ZFP69: variants seen among roughly 807,000 people sequenced by gnomAD.
ZFP69 encodes the protein zinc finger protein 69 homolog.
Under a neutral mutation model 48.9 loss-of-function variants are expected in ZFP69, and 35 were observed. That is an observed-to-expected ratio of 0.72 (90% CI 0.55 to 0.95). The LOEUF (loss-of-function observed/expected upper bound fraction) is 0.95, where lower values mean the gene tolerates loss of function less well. Among genes scored for constraint, ZFP69 ranks in the 40% least tolerant of loss-of-function variants. The pLI, the probability that ZFP69 is intolerant of heterozygous loss-of-function variation, is 0.00. For missense variants in ZFP69, 557 were observed against 638.4 expected (o/e 0.87, Z 1.37); for synonymous variants, 193 against 216.8 (o/e 0.89, Z 0.96).
rs138489291 is a variant in ZFP69, at chr1:40,482,257, A to C, written c.219+403A>C. Among the ~76,000 whole-genome samples, 213 of 152,240 alleles carry C rather than the reference A, an allele frequency of 1.4e-3. 1 individual carries two copies. Among genetic ancestry groups the C allele is most frequent in the African/African-American group, 5.0e-3 (209 of 41,540 alleles). On this transcript the variant is annotated intron_variant, in intron 3 of 5. Coordinates refer to ENST00000372706, the MANE Select transcript of ZFP69 (RefSeq NM_001320179.2). ...TTAGTGATGTACATGAATTACTGTG[A>C]ACTTTGAGAGGTGACCCTTAGTGTA...
At chr1:40,486,893 T>C (rs1481836191) in intron 3 of ZFP69, among the ~76,000 whole-genome samples, 1 of 152,072 alleles carries the variant, frequency 6.6e-6, no homozygotes, top group East Asian at 1.9e-4. Flanking sequence ...AGATATTGTC[T>C]TTTTCACTTG....
chr1:40,479,550 C>A, intron 2 of ZFP69, 62 bp downstream of exon 2: 2 of 1,515,188 alleles, frequency 1.3e-6, no homozygotes, highest in East Asian at 2.4e-5. Flanking sequence ...AAGATAGGTA[C>A]ACACTTCATT....
In ZFP69 at chr1:40,489,137, G is replaced by A. The variant is rs758202634; in HGVS notation, c.269G>A (p.Trp90Ter). 6.2e-7 allele frequency: 1 copy of A among 1,613,992 alleles called. No homozygotes were observed. The highest frequency in any genetic ancestry group is 8.5e-7 in the Non-Finnish European group (1 of 1,179,988). ...DISIDFTQEE[W>*]GQLAPAHQNL... ...TCTATTGACTTCACCCAGGAAGAGT[G>A]GGGGCAGCTGGCTCCTGCTCACCAG... Residue 90 changes from tryptophan (W) to a stop codon, truncating the protein, a stop_gained, in exon 4 of 6, where the codon TGG becomes TAG. Transcript: ENST00000372706. LOFTEE classifies it high-confidence loss of function.
rs5773698 is a variant in ZFP69 at position 40,478,122 on chromosome 1, TCACACACACACA to T, written c.-327+244_-327+255del. Among the ~76,000 whole-genome samples the T allele has an allele frequency of 1.4e-3, 212 of 147,250 alleles. 1 individual carries two copies. The highest frequency in any genetic ancestry group is 1.5e-3 in the South Asian group (7 of 4,602). ...ACGCAGCTCCTGTCTCTGCATATAG[TCACACACACACA>T]CACACACACACACACGCCTATAAGT... On this transcript the variant is annotated intron_variant, in intron 1 of 5. Transcript: ENST00000372706.
At chr1:40,490,565 C>G (rs1421447946) in intron 5 of ZFP69, among the ~76,000 whole-genome samples, 1 of 152,162 alleles carries the variant, frequency 6.6e-6, no homozygotes, top group African/African-American at 2.4e-5. Flanking sequence ...TTCCCTTTCT[C>G]CAGTATCCTA....
chr1:40,481,858 A>G lies in ZFP69; in HGVS notation c.219+4A>G. On this transcript the variant is annotated splice_donor_region_variant and intron_variant, in intron 3 of 5. Transcript: ENST00000372706. ...ACTCCCGACAGCAGAATCCCAGGTG[A>G]GTAGGGATTCATCTCATTTTCTTGA... is the stretch of plus-strand genomic sequence containing the variant. The G allele has an allele frequency of 6.2e-7, 1 of 1,606,810 alleles. No individual in the cohort carries two copies. The highest frequency in any genetic ancestry group is 8.5e-7 in the Non-Finnish European group (1 of 1,174,746).
chr1:40,481,104 G>A (rs563844119), intron 2 of ZFP69, among the ~76,000 whole-genome samples: 99 of 152,294 alleles, frequency 6.5e-4, no homozygotes, highest in African/African-American at 2.3e-3. Flanking sequence ...ACTGCGCCCG[G>A]CCTGGTTGTA....
chr1:40,479,217 C>T lies in ZFP69; in HGVS notation c.-145C>T. On this transcript the variant is annotated 5_prime_UTR_variant, in exon 2 of 6. Coordinates refer to ENST00000372706, the MANE Select transcript of ZFP69 (RefSeq NM_001320179.2). ...AGTCACATCAGTCTCTAGGAACCCC[C>T]AGGTCCTGGTGCTGCAGGGACACAC... 1 of 1,021,396 alleles carries T rather than the reference C, an allele frequency of 9.8e-7. No homozygotes were observed. The allele number at this position is 1,021,396 out of a possible 1,614,324, so 63.3% of individuals were successfully genotyped here.
chr1:40,481,987 C>G, intron 3 of ZFP69, 133 bp downstream of exon 3: 1 of 504,026 alleles, frequency 2.0e-6, no homozygotes, highest in Non-Finnish European at 3.3e-6. Context: ...CTAAGGAGCT[C>G]AATGCAAGTT....
At chr1:40,491,566 TG>T (rs1411510400) in intron 5 of ZFP69, among the ~76,000 whole-genome samples, 3 of 152,204 alleles carry the variant, frequency 2.0e-5, no homozygotes, top group African/African-American at 7.2e-5. Context: ...CACTGGGTTA[TG>T]GTATCTTGTT....
In ZFP69 at chr1:40,489,635, G is replaced by A. The variant is rs1645542898; in HGVS notation, c.442+11G>A. 4 of 1,589,626 alleles carry A rather than the reference G, an allele frequency of 2.5e-6. No homozygotes were observed. The East Asian group carries it at 8.9e-5, about 36-fold the overall frequency. On this transcript the variant is annotated intron_variant, in intron 5 of 5. Transcript: ENST00000372706. Reference sequence around the variant, plus strand: ...GAGATCCCAGTTCAGGTGAGACCAAGTGTGTTAGTCTGTTTTTGTGTTGCT... The same window carrying A: ...GAGATCCCAGTTCAGGTGAGACCAAATGTGTTAGTCTGTTTTTGTGTTGCT...
chr1:40,489,490 G>C (rs377429337), intron 4 of ZFP69, 39 bp from the exon 5 acceptor site: 4 of 1,556,490 alleles, frequency 2.6e-6, no homozygotes, highest in African/African-American at 2.7e-5. Context: ...TTAGACATCA[G>C]CATAAACATT....
chr1:40,486,697 C>T (rs1236839432), intron 3 of ZFP69, among the ~76,000 whole-genome samples: 1 of 151,958 alleles, frequency 6.6e-6, no homozygotes, highest in African/African-American at 2.4e-5. Flanking sequence ...GCTAGGATTA[C>T]AGGCAGGAGC....
At chr1:40,486,030 A>G (rs1030398052) in intron 3 of ZFP69, among the ~76,000 whole-genome samples, 3 of 152,104 alleles carry the variant, frequency 2.0e-5, no homozygotes, top group African/African-American at 4.8e-5. Context: ...CAGCCTCTCA[A>G]GTAGCTAGGA....
In ZFP69 at chr1:40,495,473, G is replaced by A. The variant is rs1645622258; in HGVS notation, c.995G>A (p.Cys332Tyr). 1 of 1,614,202 alleles carries A rather than the reference G, an allele frequency of 6.2e-7. No homozygotes were observed. The highest frequency in any genetic ancestry group is 8.5e-7 in the Non-Finnish European group (1 of 1,180,026). Residue 332 changes from cysteine to tyrosine, a missense_variant, in exon 6 of 6, where the codon TGT becomes TAT. Coordinates refer to ENST00000372706, the MANE Select transcript of ZFP69 (RefSeq NM_001320179.2). ...GAGAAACCCTTTGAATGTGAGGAAT[G>A]TGGGAAAGCCTTCAGACATCGCTCA... ...TGEKPFECEE[C>Y]GKAFRHRSSL...
rs992031294 is a variant in ZFP69 at position 40,477,443 on chromosome 1, G to A, written c.-778G>A. On this transcript the variant is annotated 5_prime_UTR_variant, in exon 1 of 6. Coordinates refer to ENST00000372706, the MANE Select transcript of ZFP69 (RefSeq NM_001320179.2). This position sits in a 1 kb window ranked among gnomAD's most constrained non-coding sequence, Gnocchi z 4.0. ...GAGGCCAGGCGAGACACCCGGCTGC[G>A]GCCTAAGAGGCCAGGCTGGGTGGGC... is the stretch of plus-strand genomic sequence containing the variant. The A allele has an allele frequency of 1.4e-4, 22 of 152,118 alleles. No homozygotes were observed. Among genetic ancestry groups the A allele is most frequent in the African/African-American group, 5.1e-4 (21 of 41,500 alleles). The allele number at this position is 152,118 out of a possible 1,614,324, so 9.4% of individuals were successfully genotyped here.
Position 40,495,566 on chromosome 1 carries a change from C to T in ZFP69, c.1088C>T (p.Ala363Val). The stretch of plus-strand genomic sequence containing the variant: ...TATGTATGTGATAAATGTCAGAAAG[C>T]TTTCAGCCAGAACATTAGCTTGGTT... The part of the protein sequence containing the change: ...KPYVCDKCQK[A>V]FSQNISLVQH... The change falls in exon 6 of 6, where the codon GCT (alanine) becomes GTT (valine). Residue 363 changes from alanine (A) to valine (V), a missense_variant. By Grantham distance (64) the Ala-to-Val change is moderately conservative. Coordinates refer to ENST00000372706, the MANE Select transcript of ZFP69 (RefSeq NM_001320179.2). 1.2e-6 allele frequency: 2 copies of T among 1,614,196 alleles called. No homozygotes were observed. The highest frequency in any genetic ancestry group is 1.7e-6 in the Non-Finnish European group (2 of 1,180,026).
intron 5 of ZFP69, among the ~76,000 whole-genome samples, chr1:40,492,832 G>T (rs1171186436): frequency 1.3e-5 from 2 of 152,044 alleles, no homozygotes; most frequent in African/African-American, 4.8e-5. Flanking sequence ...TTGTTAGATT[G>T]ATTCTGAAAA....
intron 3 of ZFP69, among the ~76,000 whole-genome samples, chr1:40,486,455 A>ATCCCTCCCTCCCTCCTTTCTTCC (rs1411684721): frequency 4.5e-5 from 1 of 22,346 alleles, no homozygotes; most frequent in African/African-American, 1.7e-4. Context: ...CCCTCCCTCC[A>ATCCCTCCCTCCCTCCTTTCTTCC]TCCCTCCCTC....
Sources: allele counts gnomAD v4.1 joint callset (sites outside exome capture counted in the v4.1 genomes callset), GRCh38; gene constraint gnomAD v4.1.1; non-coding constraint Gnocchi (gnomAD v3.1); transcripts MANE v1.5; gene names NCBI Gene and HGNC (gene_info 2026-07-23, HGNC 2026-07-21).